The following ITPR2 variants were observed in gnomAD, a reference collection of about 807,000 sequenced individuals.
The protein encoded by ITPR2 is inositol 1,4,5-trisphosphate receptor type 2, also known as inositol 1,4,5-trisphosphate-gated calcium channel ITPR2.
Under a neutral mutation model 317.1 loss-of-function variants are expected in ITPR2, and 207 were observed. The ratio of observed to expected loss-of-function variants is 0.65; its 90% CI spans 0.58 to 0.73. The LOEUF (loss-of-function observed/expected upper bound fraction) is 0.73, where lower values mean the gene tolerates loss of function less well. ITPR2 is among the 30% of genes least tolerant of loss of function. The pLI, the probability that ITPR2 is intolerant of heterozygous loss-of-function variation, is 0.00. For synonymous variants in ITPR2, 1,156 were observed against 1,149.1 expected (o/e 1.01, Z -0.12); for missense variants, 2,613 against 3,284.0 (o/e 0.80, Z 4.99).
intron 13 of ITPR2, among the ~76,000 whole-genome samples, chr12:26,674,637 C>G (rs1310659782): frequency 6.6e-6 from 1 of 152,206 alleles, no homozygotes; most frequent in Admixed American, 6.5e-5. Flanking sequence ...TAGGCATGGG[C>G]AAGGACTTCA....
chr12:26,771,045 C>A (rs1195292167), intron 2 of ITPR2, among the ~76,000 whole-genome samples: 2 of 152,156 alleles, frequency 1.3e-5, no homozygotes, highest in Admixed American at 6.5e-5. Context: ...ATGTCTTGTA[C>A]AAGGATATAT....
intron 2 of ITPR2, among the ~76,000 whole-genome samples, chr12:26,730,230 C>T (rs988193735): frequency 8.5e-5 from 13 of 152,120 alleles, no homozygotes; most frequent in South Asian, 2.1e-4. Context: ...GAAATGCAGA[C>T]GCCATCACTA....
At chr12:26,423,915 A>G (rs898854042) in intron 49 of ITPR2, among the ~76,000 whole-genome samples, 6 of 152,228 alleles carry the variant, frequency 3.9e-5, no homozygotes, top group African/African-American at 1.4e-4. Context: ...AAATGAATAA[A>G]GACAATAAAA....
In ITPR2 at chr12:26,621,285, C is replaced by G. The variant is rs749665435; in HGVS notation, c.3300G>C (p.Leu1100=). ...VLQAFKQVQL[L]VSNQDVDNYK... ...AGTTATCTACGTCTTGATTAGACAC[C>G]AGTAATTGCACCTAAAACAGAAGAA... Residue 1100 remains leucine (L), a synonymous_variant, in exon 26 of 57, where the codon CTG becomes CTC. Transcript: ENST00000381340. 8.1e-6 allele frequency: 13 copies of G among 1,607,762 alleles called. No homozygotes were observed. In the Admixed American group the frequency reaches 2.2e-4, roughly 27 times the overall value.
chr12:26,595,524 T>C lies in ITPR2; in HGVS notation c.4321A>G (p.Ile1441Val). Residue 1441 changes from isoleucine (I) to valine (V), a missense_variant, in exon 32 of 57, where the codon ATC (isoleucine) becomes GTC (valine). Ile to Val is a conservative substitution (Grantham distance 29). Transcript: ENST00000381340. ...YVDTEVEMKEIYTSNHIWKLF... is the reference protein window; with the variant it reads ...YVDTEVEMKEVYTSNHIWKLF... ...TTCCAAATGTGGTTACTTGTATAGA[T>C]TTCTTTCATTTCCACTTCAGTGTCA... is the stretch of plus-strand genomic sequence containing the variant. 2 of 1,607,348 alleles carry C rather than the reference T, an allele frequency of 1.2e-6. No homozygotes were observed. Among genetic ancestry groups the C allele is most frequent in the Non-Finnish European group, 1.7e-6 (2 of 1,177,858 alleles).
intron 54 of ITPR2, among the ~76,000 whole-genome samples, chr12:26,397,266 G>A (rs557379940): frequency 4.3e-4 from 65 of 152,154 alleles, no homozygotes; most frequent in African/African-American, 1.6e-3. Flanking sequence ...GCAACACTGA[G>A]CTGCTTTAGA....
intron 37 of ITPR2, among the ~76,000 whole-genome samples, chr12:26,518,136 G>C (rs1461935446): frequency 6.6e-6 from 1 of 152,190 alleles, no homozygotes; most frequent in African/African-American, 2.4e-5. Context: ...ATCAACAGTG[G>C]AATGGATAAA....
chr12:26,682,183 G>C (rs1358822010), intron 12 of ITPR2, 149 bp from the exon 13 acceptor site: 2 of 650,502 alleles, frequency 3.1e-6, no homozygotes, highest in East Asian at 2.7e-5. Flanking sequence ...ACTATGAAAG[G>C]CTGCAGGGAC....
chr12:26,622,113 A>G, intron 25 of ITPR2, 127 bp downstream of exon 25: 1 of 737,870 alleles, frequency 1.4e-6, no homozygotes, highest in Non-Finnish European at 2.1e-6. Context: ...TCTCTGTTTA[A>G]AAATAGAAAG....
At chr12:26,452,417 G>A (rs2136761877) in intron 45 of ITPR2, among the ~76,000 whole-genome samples, 1 of 152,008 alleles carries the variant, frequency 6.6e-6, no homozygotes, top group Admixed American at 6.5e-5. Context: ...TATAAAATAT[G>A]CTCCACTTAA....
At chr12:26,456,823 C>A (rs960837993) in intron 45 of ITPR2, among the ~76,000 whole-genome samples, 1 of 152,136 alleles carries the variant, frequency 6.6e-6, no homozygotes, top group African/African-American at 2.4e-5. Context: ...CAGGCACTTG[C>A]CATCACGCCC....
chr12:26,676,759 AAAAAT>A (rs1272633505), intron 13 of ITPR2, among the ~76,000 whole-genome samples: 2 of 150,580 alleles, frequency 1.3e-5, no homozygotes, highest in South Asian at 2.1e-4. Flanking sequence ...ATAAGATTAA[AAAAAT>A]AAAATAAATG....
chr12:26,631,906 G>T lies in ITPR2; in HGVS notation c.2894C>A (p.Thr965Asn). The change falls in exon 22 of 57, where the codon ACT becomes AAT. Residue 965 changes from threonine (T) to asparagine (N), a missense_variant. By Grantham distance (65) the Thr-to-Asn change is moderately conservative. Around this residue, in one of 9 missense-constraint regions of ITPR2, gnomAD observed 817 missense variants for 897.6 expected, o/e 0.91. Coordinates refer to ENST00000381340, the MANE Select transcript of ITPR2 (RefSeq NM_002223.4). ...QGSPTEHEDV[T>N]VMDTKLKIIE... is the part of the protein sequence containing the mutation. The stretch of plus-strand genomic sequence containing the variant: ...GATCTTCAGCTTGGTGTCCATCACA[G>T]TCACATCCTCGTGCTCGGTGGGGCT... 6.2e-7 allele frequency: 1 copy of T among 1,614,084 alleles called. No homozygotes were observed. Among genetic ancestry groups the T allele is most frequent in the Non-Finnish European group, 8.5e-7 (1 of 1,180,022 alleles).
At chr12:26,461,897 G>A (rs1354173213) in intron 45 of ITPR2, among the ~76,000 whole-genome samples, 1 of 151,142 alleles carries the variant, frequency 6.6e-6, no homozygotes. Flanking sequence ...GTGACAGAAG[G>A]GGACTTTTTT....
At chr12:26,406,245 T>G (rs1189363636) in intron 52 of ITPR2, among the ~76,000 whole-genome samples, 2 of 152,086 alleles carry the variant, frequency 1.3e-5, no homozygotes, top group African/African-American at 4.8e-5. Flanking sequence ...CATATTAAAT[T>G]TGAATTATTC....
At chr12:26,489,876 A>T (rs1042663245) in intron 39 of ITPR2, among the ~76,000 whole-genome samples, 1 of 152,190 alleles carries the variant, frequency 6.6e-6, no homozygotes, top group Non-Finnish European at 1.5e-5. Context: ...GTGAGAATGT[A>T]AAACCCCCAT....
intron 22 of ITPR2, among the ~76,000 whole-genome samples, chr12:26,630,112 G>C (rs1008733604): frequency 3.9e-5 from 6 of 152,170 alleles, no homozygotes; most frequent in Admixed American, 2.6e-4. Context: ...CAGAAGGCAG[G>C]GGGCAGAGCT....
chr12:26,567,790 AC>A (rs1945015151), intron 34 of ITPR2, among the ~76,000 whole-genome samples: 3 of 151,426 alleles, frequency 2.0e-5, no homozygotes, highest in African/African-American at 7.3e-5. Context: ...AGCAGAAAAA[AC>A]AAAAAAGAAA....
At chr12:26,548,221 G>A (rs945463099) in intron 37 of ITPR2, among the ~76,000 whole-genome samples, 10 of 152,186 alleles carry the variant, frequency 6.6e-5, no homozygotes, top group South Asian at 4.1e-4. Context: ...AAAGATAGCC[G>A]GTGGCATTGA....
Sources: allele counts gnomAD v4.1 joint callset (sites outside exome capture counted in the v4.1 genomes callset), GRCh38; gene constraint gnomAD v4.1.1; regional missense constraint gnomAD v4.1.1; transcripts MANE v1.5; gene names NCBI Gene and HGNC (gene_info 2026-07-23, HGNC 2026-07-21).